CLEC16A: variants seen among roughly 807,000 people sequenced by gnomAD.
CLEC16A encodes the protein protein CLEC16A.
Under a neutral mutation model 109.5 loss-of-function variants are expected in CLEC16A, and 51 were observed. The observed-to-expected ratio is 0.47, with a 90% CI of 0.37 to 0.59. CLEC16A has a LOEUF of 0.59. Among genes scored for constraint, CLEC16A ranks in the 20% least tolerant of loss-of-function variants. The probability of loss-of-function intolerance (pLI) is 0.00; values close to 1 mark genes in which losing one functional copy is unlikely to be tolerated. For missense variants in CLEC16A, 1,339 were observed against 1,394.0 expected (o/e 0.96, Z 0.63); for synonymous variants, 673 against 564.2 (o/e 1.19, Z -2.73).
In CLEC16A at chr16:11,020,275, C is replaced by T. The variant is rs200123237; in HGVS notation, c.1386C>T (p.Asp462=). Residue 462 remains aspartate (D), a synonymous_variant, in exon 12 of 24, where the codon GAC becomes GAT. Coordinates refer to ENST00000409790, the MANE Select transcript of CLEC16A (RefSeq NM_015226.3). ...CCGTGCAGGAGCAGAACACCACGGA[C>T]GAGGAGAAAAGCGCCGCCGCCACCT... ...STSVQEQNTT[D]EEKSAAATCS... 26 of 1,613,750 alleles carry T rather than the reference C, an allele frequency of 1.6e-5. No homozygotes were observed. Among genetic ancestry groups the T allele is most frequent in the Admixed American group, 1.0e-4 (6 of 59,988 alleles).
In CLEC16A at chr16:11,125,890, C is replaced by G. The variant is rs552137019; in HGVS notation, c.2474-89C>G. 23 of 948,502 alleles carry G rather than the reference C, an allele frequency of 2.4e-5. No individual in the cohort carries two copies. The African/African-American group carries it at 3.8e-4, about 16-fold the overall frequency. The allele number at this position is 948,502 out of a possible 1,614,324, so 58.8% of individuals were successfully genotyped here. A position where few individuals can be genotyped will look rare whatever the true frequency, so the allele number is the denominator to read the frequency against. Reference sequence around the variant, plus strand: ...CCAAGTGATGTGCCTGGCAGGGCCACAGCCACTACGATGTCCCCCCCCCCA... The same window carrying G: ...CCAAGTGATGTGCCTGGCAGGGCCAGAGCCACTACGATGTCCCCCCCCCCA... On this transcript the variant is annotated intron_variant, in intron 21 of 23. Coordinates refer to ENST00000409790, the MANE Select transcript of CLEC16A (RefSeq NM_015226.3).
intron 1 of CLEC16A, among the ~76,000 whole-genome samples, chr16:10,952,893 C>G (rs2041807194): frequency 6.6e-6 from 1 of 152,182 alleles, no homozygotes; most frequent in Non-Finnish European, 1.5e-5. Context: ...AGATTCCTGT[C>G]AAGTGAGCAT....
chr16:11,150,283 G>T (rs1483936334), intron 22 of CLEC16A: 1 of 152,180 alleles, frequency 6.6e-6, no homozygotes, highest in Non-Finnish European at 1.5e-5. Flanking sequence ...GTTAAGGTTT[G>T]GGCTTCCCTT....
At chr16:11,114,255 A>G (rs2051816602) in intron 19 of CLEC16A, among the ~76,000 whole-genome samples, 1 of 150,932 alleles carries the variant, frequency 6.6e-6, no homozygotes, top group Non-Finnish European at 1.5e-5. Flanking sequence ...CACGTTTACT[A>G]CTGTATCTTT....
At chr16:11,012,240 A>T (rs1454820231) in intron 11 of CLEC16A, among the ~76,000 whole-genome samples, 2 of 152,200 alleles carry the variant, frequency 1.3e-5, no homozygotes, top group Non-Finnish European at 2.9e-5. Flanking sequence ...ACTTCTACAT[A>T]AAGGCCCAAA....
Position 11,003,166 on chromosome 16 carries a change from A to G in CLEC16A, c.1164A>G (p.Gln388=). 6.2e-7 allele frequency: 1 copy of G among 1,613,346 alleles called. No homozygotes were observed. Among genetic ancestry groups the G allele is most frequent in the Non-Finnish European group, 8.5e-7 (1 of 1,179,802 alleles). The change falls in exon 11 of 24, where the codon CAA becomes CAG. Residue 388 remains glutamine, a synonymous_variant. Coordinates refer to ENST00000409790, the MANE Select transcript of CLEC16A (RefSeq NM_015226.3). Reference sequence around the variant, plus strand: ...AGCACAAGGGCAAGAGGCGGGTGCAAAAGAGACCCAACTACAAAAACGTTG... The same window carrying G: ...AGCACAAGGGCAAGAGGCGGGTGCAGAAGAGACCCAACTACAAAAACGTTG... ...MNKHKGKRRV[Q]KRPNYKNVGE...
At chr16:10,981,979 C>G (rs1008488554) in intron 9 of CLEC16A, among the ~76,000 whole-genome samples, 1 of 152,346 alleles carries the variant, frequency 6.6e-6, no homozygotes, top group Admixed American at 6.5e-5. Flanking sequence ...TCCCTCCATA[C>G]TCAGTTATAG....
chr16:11,066,697 A>G (rs1431597688), intron 19 of CLEC16A: 3 of 152,184 alleles, frequency 2.0e-5, no homozygotes, highest in African/African-American at 7.2e-5. Flanking sequence ...GCTGTTCCTC[A>G]AAAGATCCTC....
intron 19 of CLEC16A, among the ~76,000 whole-genome samples, chr16:11,083,324 G>C (rs2049838652): frequency 6.6e-6 from 1 of 152,140 alleles, no homozygotes; most frequent in African/African-American, 2.4e-5. Flanking sequence ...CACCACGCCT[G>C]GATAATTTTT....
At chr16:11,090,905 A>G (rs1169107706) in intron 19 of CLEC16A, among the ~76,000 whole-genome samples, 2 of 148,676 alleles carry the variant, frequency 1.3e-5, no homozygotes, top group African/African-American at 5.0e-5. Flanking sequence ...CCTGACCTCA[A>G]GTAATCCACC....
intron 17 of CLEC16A, among the ~76,000 whole-genome samples, chr16:11,051,111 T>C (rs1039769671): frequency 2.0e-5 from 3 of 152,124 alleles, no homozygotes; most frequent in Non-Finnish European, 2.9e-5. Flanking sequence ...GCCATAGCTG[T>C]TATCATCACT....
chr16:11,150,017 T>G (rs1046854263), intron 22 of CLEC16A: 1 of 152,216 alleles, frequency 6.6e-6, no homozygotes, highest in Non-Finnish European at 1.5e-5. Context: ...ACTCGTATGA[T>G]GGCAAAACCA....
chr16:11,063,991 A>AGGGAG (rs1483646062), intron 19 of CLEC16A, among the ~76,000 whole-genome samples: 2 of 150,412 alleles, frequency 1.3e-5, no homozygotes, highest in African/African-American at 2.4e-5. Flanking sequence ...AGAAAGGGGA[A>AGGGAG]GGGAGGGAAG....
chr16:11,069,196 C>T (rs976453658), intron 19 of CLEC16A, among the ~76,000 whole-genome samples: 3 of 152,008 alleles, frequency 2.0e-5, no homozygotes, highest in Non-Finnish European at 4.4e-5. Flanking sequence ...GGTATAATCA[C>T]GGCTCAGTGC....
intron 22 of CLEC16A, chr16:11,157,355 G>A (rs2054572652): frequency 2.0e-6 from 1 of 493,920 alleles, no homozygotes. Flanking sequence ...CCCTGGGCTG[G>A]ACAGGAAGTG....
At chr16:11,121,148 A>G (rs1163598394) in intron 20 of CLEC16A, among the ~76,000 whole-genome samples, 1 of 152,196 alleles carries the variant, frequency 6.6e-6, no homozygotes, top group Non-Finnish European at 1.5e-5. Context: ...ATCACATTGA[A>G]TATGTTCTAA....
At position 11,178,492 on chromosome 16, in the gene CLEC16A, G is replaced by C; in HGVS notation, c.2964G>C (p.Gln988His). The C allele has an allele frequency of 6.2e-7, 1 of 1,613,594 alleles. No homozygotes were observed. Among genetic ancestry groups the C allele is most frequent in the Admixed American group, 1.7e-5 (1 of 60,030 alleles). ...SLSPSLVPAR[Q>H]PTISLLCEDT... is the part of the protein sequence containing the mutation. ...CCCCCAGCCTCGTCCCTGCCCGGCAGCCCACCATTTCCCTGCTCTGCGAGG... is the reference window on the plus strand; with the variant it reads ...CCCCCAGCCTCGTCCCTGCCCGGCACCCCACCATTTCCCTGCTCTGCGAGG... Residue 988 changes from glutamine to histidine, a missense_variant, in exon 24 of 24, where the codon CAG (glutamine) becomes CAC (histidine). By Grantham distance (24) the Gln-to-His change is conservative (BLOSUM62 0). Coordinates refer to ENST00000409790, the MANE Select transcript of CLEC16A (RefSeq NM_015226.3). This position sits in a 1 kb window ranked among gnomAD's most constrained non-coding sequence, Gnocchi z 6.5.
intron 22 of CLEC16A, among the ~76,000 whole-genome samples, chr16:11,148,395 T>C (rs2054156363): frequency 6.6e-6 from 1 of 152,216 alleles, no homozygotes; most frequent in Non-Finnish European, 1.5e-5. Flanking sequence ...GGAGGAGGTC[T>C]GGAGGCACTA....
In CLEC16A at chr16:10,976,983, T is replaced by C. The variant is rs1045359912; in HGVS notation, c.729-242T>C. On this transcript the variant is annotated intron_variant, in intron 7 of 23. Coordinates refer to ENST00000409790, the MANE Select transcript of CLEC16A (RefSeq NM_015226.3). ...TATGCAGTGGCTTGCTGGAAGAGTT[T>C]AGCAGCATTTTGCTTTGTTTACCTC... 1.5e-4 allele frequency among the ~76,000 whole-genome samples: 23 copies of C among 152,256 alleles called. 1 individual carries two copies. Among genetic ancestry groups the C allele is most frequent in the African/African-American group, 2.4e-5 (1 of 41,476 alleles).
Sources: allele counts gnomAD v4.1 joint callset (sites outside exome capture counted in the v4.1 genomes callset), GRCh38; gene constraint gnomAD v4.1.1; non-coding constraint Gnocchi (gnomAD v3.1); transcripts MANE v1.5; gene names NCBI Gene and HGNC (gene_info 2026-07-23, HGNC 2026-07-21).